The following GATA5 variants were observed in gnomAD, a reference collection of about 807,000 sequenced individuals.
GATA5 encodes the protein GATA binding protein 5.
Under a neutral mutation model 35.0 loss-of-function variants are expected in GATA5, and 27 were observed. The ratio of observed to expected loss-of-function variants is 0.77; its 90% CI spans 0.57 to 1.06. The LOEUF is 1.06. Ranked by LOEUF, GATA5 falls within the 50% of genes least tolerant of loss-of-function variation. The probability of loss-of-function intolerance (pLI) is 0.00; values close to 1 mark genes in which losing one functional copy is unlikely to be tolerated. For synonymous variants in GATA5, 306 were observed against 267.8 expected, an observed-to-expected ratio of 1.14 and a Z score of -1.39; for missense variants, 612 against 580.0, an observed-to-expected ratio of 1.06 and a Z score of -0.57.
chr20:62,465,426 C>T lies in GATA5; in HGVS notation c.952G>A (p.Ala318Thr), dbSNP rs782102885. The change falls in exon 6 of 7, where the codon GCC (alanine) becomes ACC (threonine). Residue 318 changes from alanine (A) to threonine (T), a missense_variant. By Grantham distance (58) the Ala-to-Thr change is moderately conservative. Transcript: ENST00000252997. ...GTGGCTGCTGAGCTGTCAGTGCTGG[C>T]GACAGCAGATGGGGAGGCCGAGGCA... is the stretch of plus-strand genomic sequence containing the variant. Reference protein sequence around the residue: ...RNASASPSAVASTDSSAATSK... With the variant: ...RNASASPSAVTSTDSSAATSK... The T allele has an allele frequency of 5.6e-6, 9 of 1,608,542 alleles. No homozygotes were observed. Among genetic ancestry groups the T allele is most frequent in the East Asian group, 2.2e-5 (1 of 44,870 alleles).
At chr20:62,469,272 T>C (rs1302446138) in intron 3 of GATA5, among the ~76,000 whole-genome samples, 2 of 152,274 alleles carry the variant, frequency 1.3e-5, no homozygotes, top group Non-Finnish European at 2.9e-5. Context: ...GGGACATGAA[T>C]GCTAAAATAT....
chr20:62,468,509 C>T (rs1333622466), intron 3 of GATA5, among the ~76,000 whole-genome samples: 2 of 152,254 alleles, frequency 1.3e-5, no homozygotes, highest in Admixed American at 6.5e-5. Context: ...AACCCCCAGC[C>T]ACAGCTGCAG....
rs574764628 is a variant in GATA5 at position 62,471,432 on chromosome 20, A to ATTTTTTTTTTTTTTTTTTTTTTTTTTTTT, written c.699+1970_699+1971insAAAAAAAAAAAAAAAAAAAAAAAAAAAAA. 1.3e-3 allele frequency among the ~76,000 whole-genome samples: 105 copies of ATTTTTTTTTTTTTTTTTTTTTTTTTTTTT among 81,754 alleles called. 17 individuals carry two copies. The highest frequency in any genetic ancestry group is 2.9e-3 in the South Asian group (6 of 2,042). The allele number at this position is 81,754 out of a possible 152,430, so 53.6% of individuals were successfully genotyped here. ...TAAAGAGAAGTTAATTTCAATTACA[A>ATTTTTTTTTTTTTTTTTTTTTTTTTTTTT]TTTTTTTTTTTTTTTTTGTGATGAG... On this transcript the variant is annotated intron_variant, in intron 3 of 6. Transcript: ENST00000252997.
chr20:62,473,431 C>G lies in GATA5; in HGVS notation c.671G>C (p.Arg224Pro). ...GCGCTTCTGAGGCCGAACGAGCGGC[C>G]GGTTGACGCCATTCATCTTGTGGTA... ...GLYHKMNGVNRPLVRPQKRLS... is the reference protein window; with the variant it reads ...GLYHKMNGVNPPLVRPQKRLS... Residue 224 changes from arginine (R) to proline (P), a missense_variant, in exon 3 of 7, where the codon CGG becomes CCG. Arg to Pro is a moderately radical substitution (Grantham distance 103). Transcript: ENST00000252997. The G allele has an allele frequency of 2.5e-6, 4 of 1,610,032 alleles. No individual in the cohort carries two copies. The highest frequency in any genetic ancestry group is 2.2e-5 in the South Asian group (2 of 90,500).
In GATA5 at chr20:62,475,443, C is replaced by T; in HGVS notation, c.79G>A (p.Gly27Ser). ...GGCACAAACATCGGAGAGCCGGCGC[C>T]CGGAGCGTGCAGGAAGGAGCCCGAG... is the stretch of plus-strand genomic sequence containing the variant. The part of the protein sequence containing the change: ...ADSGSFLHAP[G>S]AGSPMFVPPA... Residue 27 changes from glycine (G) to serine (S), a missense_variant, in exon 2 of 7, where the codon GGC becomes AGC. By Grantham distance (56) the Gly-to-Ser change is moderately conservative. Coordinates refer to ENST00000252997, the MANE Select transcript of GATA5 (RefSeq NM_080473.5). 1 of 1,354,846 alleles carries T rather than the reference C, an allele frequency of 7.4e-7. No individual in the cohort carries two copies. Among genetic ancestry groups the T allele is most frequent in the South Asian group, 1.9e-5 (1 of 51,338 alleles). 83.9% of individuals were successfully genotyped at this position (1,354,846 alleles called of 1,614,324 possible).
Position 62,475,314 on chromosome 20 carries a change from C to T in GATA5, c.208G>A (p.Ala70Thr). The T allele has an allele frequency of 2.4e-6, 3 of 1,250,304 alleles. No homozygotes were observed. Among genetic ancestry groups the T allele is most frequent in the Non-Finnish European group, 3.0e-6 (3 of 997,186 alleles). The allele number at this position is 1,250,304 out of a possible 1,614,324, so 77.5% of individuals were successfully genotyped here. A position where few individuals can be genotyped will look rare whatever the true frequency, so the allele number is the denominator to read the frequency against. The change falls in exon 2 of 7, where the codon GCG becomes ACG. Residue 70 changes from alanine to threonine, a missense_variant. Transcript: ENST00000252997. Reference sequence around the variant, plus strand: ...CCCGGGCCGAAGGCCGACGAATCCGCGGTGGCTGTCTGCGCCCAGCCGGGG... The same window carrying T: ...CCCGGGCCGAAGGCCGACGAATCCGTGGTGGCTGTCTGCGCCCAGCCGGGG... Reference protein sequence around the residue: ...ARPGWAQTATADSSAFGPGSP... With the variant: ...ARPGWAQTATTDSSAFGPGSP...
intron 2 of GATA5, 112 bp from the exon 3 acceptor site, chr20:62,473,690 ATAAACT>A (rs1569048564): frequency 4.2e-6 from 4 of 963,504 alleles, no homozygotes; most frequent in Non-Finnish European, 1.5e-6. Context: ...CGTCAGACGA[ATAAACT>A]TAAGGCACAA....
chr20:62,474,918 G>C (rs1427727515), intron 2 of GATA5, 81 bp downstream of exon 2: 6 of 1,169,562 alleles, frequency 5.1e-6, no homozygotes, highest in South Asian at 3.2e-5. Context: ...GGGAGGATGA[G>C]GGGAGCGTTT....
At position 62,464,509 on chromosome 20, in the gene GATA5, G is replaced by A. The variant is rs573898029; in HGVS notation, c.*327C>T. ...CATATTGACGGTGAGCATTGATGAC[G>A]GAATTCAAGTTGGTGGTGGTGGTGC... On this transcript the variant is annotated 3_prime_UTR_variant, in exon 7 of 7. Coordinates refer to ENST00000252997, the MANE Select transcript of GATA5 (RefSeq NM_080473.5). 28 of 225,562 alleles carry A rather than the reference G, an allele frequency of 1.2e-4. No homozygotes were observed. The highest frequency in any genetic ancestry group is 1.5e-3 in the Middle Eastern group (1 of 688). 14.0% of individuals were successfully genotyped at this position (225,562 alleles called of 1,614,324 possible). A position where few individuals can be genotyped will look rare whatever the true frequency, so the allele number is the denominator to read the frequency against.
chr20:62,464,899 G>C lies in GATA5; in HGVS notation c.1131C>G (p.Ser377Arg), dbSNP rs781791817. ...GAGCCCCCCTGAGGCCAGCCTGGGG[G>C]CTTGGGGCCGTGGAGGGGAAGGCAA... ...EDFAFPSTAPSPQAGLRGALR... is the reference protein window; with the variant it reads ...EDFAFPSTAPRPQAGLRGALR... Residue 377 changes from serine to arginine, a missense_variant, in exon 7 of 7, where the codon AGC becomes AGG. By Grantham distance (110) the Ser-to-Arg change is moderately radical (BLOSUM62 -1). Transcript: ENST00000252997. 3 of 1,611,370 alleles carry C rather than the reference G, an allele frequency of 1.9e-6. No individual in the cohort carries two copies. The highest frequency in any genetic ancestry group is 1.7e-4 in the Middle Eastern group (1 of 5,874).
intron 3 of GATA5, among the ~76,000 whole-genome samples, chr20:62,466,989 G>A (rs782233232): frequency 3.9e-5 from 6 of 152,202 alleles, no homozygotes; most frequent in African/African-American, 7.2e-5. Flanking sequence ...CTGGACACCC[G>A]CCTCCCAGGC....
intron 3 of GATA5, 71 bp from the exon 4 acceptor site, chr20:62,466,622 G>A (rs1569044756): frequency 2.0e-6 from 3 of 1,505,570 alleles, no homozygotes; most frequent in Non-Finnish European, 2.7e-6. Context: ...ACGGAAGCGA[G>A]ACTCAGGTCG....
Position 62,475,449 on chromosome 20 carries a change from CG to C in GATA5, c.72del (p.His24GlnfsTer123). ...AAYADSGSFLHAPGAGSPMFV... is the reference protein window; with the variant it reads ...AAYADSGSFLXAPGAGSPMFV... ...AACATCGGAGAGCCGGCGCCCGGAG[CG>C]TGCAGGAAGGAGCCCGAGTCGGCGT... On this transcript the variant is annotated frameshift_variant, in exon 2 of 7. Transcript: ENST00000252997. LOFTEE classifies it high-confidence loss of function. 1 of 1,345,904 alleles carries C rather than the reference CG, an allele frequency of 7.4e-7. No individual in the cohort carries two copies. The highest frequency in any genetic ancestry group is 9.5e-7 in the Non-Finnish European group (1 of 1,052,386). The allele number at this position is 1,345,904 out of a possible 1,614,324, so 83.4% of individuals were successfully genotyped here.
At chr20:62,465,142 G>C (rs559297119) in intron 6 of GATA5, 151 bp from the exon 7 acceptor site, 2 of 892,430 alleles carry the variant, frequency 2.2e-6, no homozygotes, top group Non-Finnish European at 3.3e-6. Context: ...GGGACCCCAC[G>C]TGAGGCACTG....
At position 62,473,492 on chromosome 20, in the gene GATA5, C is replaced by T. The variant is rs782260539; in HGVS notation, c.610G>A (p.Gly204Ser). Residue 204 changes from glycine (G) to serine (S), a missense_variant, in exon 3 of 7, where the codon GGC (glycine) becomes AGC (serine). Coordinates refer to ENST00000252997, the MANE Select transcript of GATA5 (RefSeq NM_080473.5). ...GCATTGCACAGGTAGTGGCCGGTGC[C>T]GTCTCGGCGCCACAGCGGTGTGGAC... ...ALSTPLWRRD[G>S]TGHYLCNACG... is the part of the protein sequence containing the mutation. 9.3e-6 allele frequency: 15 copies of T among 1,610,516 alleles called. No homozygotes were observed. Among genetic ancestry groups the T allele is most frequent in the South Asian group, 4.4e-5 (4 of 90,638 alleles).
intron 3 of GATA5, among the ~76,000 whole-genome samples, chr20:62,469,768 A>C (rs1555896400): frequency 6.6e-6 from 1 of 152,206 alleles, no homozygotes; most frequent in Non-Finnish European, 1.5e-5. Context: ...GTCTTCACCT[A>C]CCCTTTCCTA....
chr20:62,474,103 G>C (rs1252729960), intron 2 of GATA5, among the ~76,000 whole-genome samples: 3 of 152,208 alleles, frequency 2.0e-5, no homozygotes, highest in Non-Finnish European at 4.4e-5. Context: ...GAGGGTGGAG[G>C]AGGTGCCTTC....
At chr20:62,466,375 C>A (rs1989587678) in intron 4 of GATA5, 51 bp downstream of exon 4, 3 of 1,528,868 alleles carry the variant, frequency 2.0e-6, no homozygotes, top group Admixed American at 2.0e-5. Flanking sequence ...ACGGCGCTCG[C>A]TAGGAGGCTG....
rs782548862 is a variant in GATA5, at chr20:62,465,829, C to G, written c.913+5G>C. 1 of 1,576,648 alleles carries G rather than the reference C, an allele frequency of 6.3e-7. No individual in the cohort carries two copies. Among genetic ancestry groups the G allele is most frequent in the South Asian group, 1.2e-5 (1 of 86,170 alleles). On this transcript the variant is annotated splice_donor_5th_base_variant and intron_variant, in intron 5 of 6. Coordinates refer to ENST00000252997, the MANE Select transcript of GATA5 (RefSeq NM_080473.5). ...CGGGGCTGACTGCAGGGCCTGGCCA[C>G]GCACCTGAGGAGCCCCTGGCCTTGG...
Sources: allele counts gnomAD v4.1 joint callset (sites outside exome capture counted in the v4.1 genomes callset), GRCh38; gene constraint gnomAD v4.1.1; transcripts MANE v1.5; gene names NCBI Gene and HGNC (gene_info 2026-07-23, HGNC 2026-07-21).